Variants in ITGB8 observed in about 807,000 individuals in gnomAD.
ITGB8 encodes integrin subunit beta 8.
A neutral mutation model predicts 89.5 loss-of-function variants in ITGB8; 30 were observed. The observed-to-expected ratio is 0.34, with a 90% CI of 0.25 to 0.45. The LOEUF is 0.45. Among genes scored for constraint, ITGB8 ranks in the 20% least tolerant of loss-of-function variants. The probability of loss-of-function intolerance (pLI) is 1.00; values close to 1 mark genes in which losing one functional copy is unlikely to be tolerated. For missense variants in ITGB8, 836 were observed against 933.3 expected (o/e 0.90, Z 1.36); for synonymous variants, 335 against 320.4 (o/e 1.05, Z -0.49).
At position 20,401,857 on chromosome 7, in the gene ITGB8, A is replaced by G; in HGVS notation, c.1418A>G (p.Asp473Gly). ...AGAAACTGCAGCTGTCAGTGTGAGGACAACAGAGGACCTAAAGGAAAGTGT... is the reference window on the plus strand; with the variant it reads ...AGAAACTGCAGCTGTCAGTGTGAGGGCAACAGAGGACCTAAAGGAAAGTGT... ...IHRNCSCQCE[D>G]NRGPKGKCVD... Residue 473 changes from aspartate (D) to glycine (G), a missense_variant, in exon 10 of 14, where the codon GAC becomes GGC. Asp to Gly is a moderately conservative substitution (Grantham distance 94). Coordinates refer to ENST00000222573, the MANE Select transcript of ITGB8 (RefSeq NM_002214.3). 6.2e-7 allele frequency: 1 copy of G among 1,614,074 alleles called. No homozygotes were observed. The highest frequency in any genetic ancestry group is 8.5e-7 in the Non-Finnish European group (1 of 1,179,996).
At chr7:20,396,239 C>A (rs1379757888) in intron 8 of ITGB8, among the ~76,000 whole-genome samples, 6 of 152,048 alleles carry the variant, frequency 3.9e-5, no homozygotes, top group Non-Finnish European at 8.8e-5. Context: ...GAGATTGACA[C>A]CATCCTGGCT....
chr7:20,358,419 C>CTT (rs548534753), intron 1 of ITGB8, among the ~76,000 whole-genome samples: 6,332 of 146,040 alleles, frequency 0.043, 217 homozygotes, highest in African/African-American at 0.085. Context: ...TCATTTTTTT[C>CTT]TTTTTTTTTT....
intron 3 of ITGB8, among the ~76,000 whole-genome samples, chr7:20,368,152 A>G (rs1213570608): frequency 2.0e-5 from 3 of 152,192 alleles, no homozygotes; most frequent in African/African-American, 7.2e-5. Flanking sequence ...GCATATTCCC[A>G]GTTTCCAATT....
intron 1 of ITGB8, among the ~76,000 whole-genome samples, chr7:20,340,746 G>A (rs990748894): frequency 4.6e-5 from 7 of 152,130 alleles, no homozygotes; most frequent in African/African-American, 1.7e-4. Context: ...AACTGTTACA[G>A]GTACTAGGTA....
intron 3 of ITGB8, among the ~76,000 whole-genome samples, chr7:20,375,542 C>A (rs1407482231): frequency 6.6e-6 from 1 of 152,154 alleles, no homozygotes; most frequent in Non-Finnish European, 1.5e-5. Flanking sequence ...ACTGAAGCAT[C>A]ACCAGAATTT....
chr7:20,396,306 G>A (rs969397431), intron 8 of ITGB8, among the ~76,000 whole-genome samples: 1 of 151,890 alleles, frequency 6.6e-6, no homozygotes, highest in African/African-American at 2.4e-5. Context: ...GGTGGCGGGT[G>A]CCTGTAGTCC....
Position 20,406,102 on chromosome 7 carries a change from G to T in ITGB8, c.1954G>T (p.Ala652Ser). The T allele has an allele frequency of 6.2e-7, 1 of 1,613,328 alleles. No homozygotes were observed. Among genetic ancestry groups the T allele is most frequent in the Non-Finnish European group, 8.5e-7 (1 of 1,179,388 alleles). ...QCLHPHNLSQ[A>S]ILDQCKTSCA... is the part of the protein sequence containing the mutation. ...CCTTCACCCTCACAATTTGTCTCAG[G>T]CTATACTTGATCAGTGCAAAACCTC... Residue 652 changes from alanine (A) to serine (S), a missense_variant, in exon 12 of 14, where the codon GCT (alanine) becomes TCT (serine). Ala to Ser is a moderately conservative substitution (Grantham distance 99). Around this residue, in one of 5 missense-constraint regions of ITGB8, gnomAD observed 422 missense variants for 416.9 expected, o/e 1.01. Coordinates refer to ENST00000222573, the MANE Select transcript of ITGB8 (RefSeq NM_002214.3).
intron 6 of ITGB8, among the ~76,000 whole-genome samples, chr7:20,387,840 C>A (rs866653869): frequency 2.0e-4 from 30 of 152,192 alleles, no homozygotes; most frequent in African/African-American, 7.0e-4. Flanking sequence ...TTGACTGACA[C>A]ATCATTGAAA....
chr7:20,373,654 A>G (rs370232642), intron 3 of ITGB8, among the ~76,000 whole-genome samples: 1 of 152,164 alleles, frequency 6.6e-6, no homozygotes, highest in Non-Finnish European at 1.5e-5. Flanking sequence ...TTTATTTCCC[A>G]CAGAAATTAG....
chr7:20,358,810 T>C (rs1241122851), intron 1 of ITGB8, among the ~76,000 whole-genome samples: 1 of 152,212 alleles, frequency 6.6e-6, no homozygotes, highest in Non-Finnish European at 1.5e-5. Flanking sequence ...TGATCCGATC[T>C]CCCAGATACT....
chr7:20,349,143 A>ACAT (rs1443978586), intron 1 of ITGB8, among the ~76,000 whole-genome samples: 1 of 152,206 alleles, frequency 6.6e-6, no homozygotes, highest in African/African-American at 2.4e-5. Flanking sequence ...TACAGTTAAC[A>ACAT]CATTTTATAA....
chr7:20,368,681 C>T (rs1431938810), intron 3 of ITGB8, among the ~76,000 whole-genome samples: 3 of 152,020 alleles, frequency 2.0e-5, no homozygotes, highest in Admixed American at 6.5e-5. Flanking sequence ...TTTTTAAATT[C>T]TTGAGATTTG....
At chr7:20,396,412 G>A (rs1168612496) in intron 8 of ITGB8, among the ~76,000 whole-genome samples, 2 of 149,570 alleles carry the variant, frequency 1.3e-5, no homozygotes, top group Non-Finnish European at 3.0e-5. Flanking sequence ...CAGCCTGGGC[G>A]ACAGAGCAAG....
At chr7:20,398,017 T>C (rs965637082) in intron 8 of ITGB8, among the ~76,000 whole-genome samples, 2 of 152,030 alleles carry the variant, frequency 1.3e-5, no homozygotes, top group Non-Finnish European at 2.9e-5. Context: ...CTTAGTTGTA[T>C]GGAATAAAAT....
intron 1 of ITGB8, among the ~76,000 whole-genome samples, chr7:20,336,926 T>C (rs1784596520): frequency 6.6e-6 from 1 of 152,236 alleles, no homozygotes; most frequent in African/African-American, 2.4e-5. Flanking sequence ...TAATCATTTC[T>C]AAGCCTCACT....
At chr7:20,376,009 C>T (rs548804855) in intron 3 of ITGB8, among the ~76,000 whole-genome samples, 1 of 152,192 alleles carries the variant, frequency 6.6e-6, no homozygotes, top group Admixed American at 6.5e-5. Context: ...TGTCATGGGG[C>T]TTGTCCTACT....
At chr7:20,388,352 G>C (rs1284726242) in intron 6 of ITGB8, among the ~76,000 whole-genome samples, 1 of 152,188 alleles carries the variant, frequency 6.6e-6, no homozygotes, top group Admixed American at 6.5e-5. Context: ...GATGTCACCA[G>C]AACAGGAGAG....
intron 1 of ITGB8, among the ~76,000 whole-genome samples, chr7:20,353,931 CAAAAAAAAA>C (rs1158594685): frequency 3.6e-5 from 2 of 55,720 alleles, no homozygotes; most frequent in East Asian, 6.7e-4. Context: ...GACTCCGTCT[CAAAAAAAAA>C]AAAAAAAAAA....
rs947836926 is a variant in ITGB8, at chr7:20,361,759, A to C, written c.128-1878A>C. ...TTTTCTGAACATTTTAGTAGTAAGC[A>C]GATTTTACAGTTTGGCAGCCTACAA... is the stretch of plus-strand genomic sequence containing the variant. On this transcript the variant is annotated intron_variant, in intron 1 of 13. Transcript: ENST00000222573. 3.3e-5 allele frequency among the ~76,000 whole-genome samples: 5 copies of C among 152,214 alleles called. No homozygotes were observed. The South Asian group carries it at 6.2e-4, about 19-fold the overall frequency.
Sources: allele counts gnomAD v4.1 joint callset (sites outside exome capture counted in the v4.1 genomes callset), GRCh38; gene constraint gnomAD v4.1.1; regional missense constraint gnomAD v4.1.1; transcripts MANE v1.5; gene names NCBI Gene and HGNC (gene_info 2026-07-23, HGNC 2026-07-21).